Variants in GTF2IRD2B observed in about 807,000 individuals in gnomAD.
The protein encoded by GTF2IRD2B is general transcription factor II-I repeat domain-containing protein 2B.
Under a neutral mutation model 55.6 loss-of-function variants are expected in GTF2IRD2B, and 10 were observed. The observed-to-expected ratio is 0.18, with a 90% CI of 0.11 to 0.31. The LOEUF (loss-of-function observed/expected upper bound fraction) is 0.31. Among genes scored for constraint, GTF2IRD2B ranks in the 10% least tolerant of loss-of-function variants. The pLI is 1.00. For missense variants in GTF2IRD2B, 206 were observed against 802.7 expected (o/e 0.26, Z 8.98); for synonymous variants, 107 against 320.5 (o/e 0.33, Z 7.12).
chr7:75,093,033 C>T (rs1584516910), intron 1 of GTF2IRD2B, among the ~76,000 whole-genome samples: 1 of 152,304 alleles, frequency 6.6e-6, no homozygotes, highest in African/African-American at 2.4e-5. Flanking sequence ...CCTCTCCTTC[C>T]TGATTGGCCG....
chr7:75,106,503 GCTGACAGGTA>G (rs1807813149), intron 1 of GTF2IRD2B, among the ~76,000 whole-genome samples: 1 of 143,556 alleles, frequency 7.0e-6, no homozygotes, highest in Non-Finnish European at 1.5e-5. Context: ...TATGATGGTA[GCTGACAGGTA>G]CTTAATTTGC....
rs60983909 is a variant in GTF2IRD2B, at chr7:75,115,096, C to CT, written c.238+2585dup. ...TACAGGCGTGAGTCATCGTGCCCAG[C>CT]TTTTTTTTTTTTTTTTTTTTTTTTG... On this transcript the variant is annotated intron_variant, in intron 3 of 15. Transcript: ENST00000472837. Among the ~76,000 whole-genome samples, 410 of 43,396 alleles carry CT rather than the reference C, an allele frequency of 9.4e-3. 8 individuals are homozygous for CT. The highest frequency in any genetic ancestry group is 8.6e-3 in the Non-Finnish European group (210 of 24,412). The allele number at this position is 43,396 out of a possible 152,430, so 28.5% of individuals were successfully genotyped here.
chr7:75,133,582 G>C (rs1299420892), intron 9 of GTF2IRD2B, among the ~76,000 whole-genome samples: 8 of 147,460 alleles, frequency 5.4e-5, no homozygotes, highest in Non-Finnish European at 1.2e-4. Flanking sequence ...TCACTCTGTT[G>C]CCCAAGCTGG....
intron 3 of GTF2IRD2B, among the ~76,000 whole-genome samples, chr7:75,120,052 C>T: frequency 7.7e-6 from 1 of 129,676 alleles, no homozygotes; most frequent in African/African-American, 3.6e-5. Context: ...TGGCGTGAAC[C>T]CGGGAGGCAG....
intron 1 of GTF2IRD2B, among the ~76,000 whole-genome samples, chr7:75,101,930 A>G (rs1807580324): frequency 6.6e-6 from 1 of 150,954 alleles, no homozygotes; most frequent in African/African-American, 2.4e-5. Flanking sequence ...TAAAAAAAAT[A>G]AAGTGTACTG....
In GTF2IRD2B at chr7:75,149,336, G is replaced by A. The variant is rs1554532405; in HGVS notation, c.*39G>A. ...CCTGGCAGGGCCCTATGGTGGGAAAGGCTGGAGTCTTCTAGTCCCAAGGGA... is the reference window on the plus strand; with the variant it reads ...CCTGGCAGGGCCCTATGGTGGGAAAAGCTGGAGTCTTCTAGTCCCAAGGGA... On this transcript the variant is annotated 3_prime_UTR_variant, in exon 16 of 16. Transcript: ENST00000472837. 2 of 756,498 alleles carry A rather than the reference G, an allele frequency of 2.6e-6. No individual in the cohort carries two copies. The highest frequency in any genetic ancestry group is 1.4e-5 in the South Asian group (1 of 70,050). The allele number at this position is 756,498 out of a possible 1,614,324, so 46.9% of individuals were successfully genotyped here.
chr7:75,107,283 G>A (rs1240890034), intron 1 of GTF2IRD2B, among the ~76,000 whole-genome samples: 1 of 152,156 alleles, frequency 6.6e-6, no homozygotes, highest in Non-Finnish European at 1.5e-5. Flanking sequence ...AAATGTAAAA[G>A]GCTGGGTGCG....
intron 1 of GTF2IRD2B, among the ~76,000 whole-genome samples, chr7:75,105,025 C>T: frequency 6.6e-6 from 1 of 152,302 alleles, no homozygotes; most frequent in Non-Finnish European, 1.5e-5. Flanking sequence ...TAGTGAAACC[C>T]CGTCTCTACT....
intron 1 of GTF2IRD2B, among the ~76,000 whole-genome samples, chr7:75,105,262 A>G (rs1186685436): frequency 6.6e-6 from 1 of 152,268 alleles, no homozygotes; most frequent in African/African-American, 2.4e-5. Context: ...CCAGCACTTT[A>G]GGAGGCCGAG....
chr7:75,127,031 A>C (rs1397415733), intron 8 of GTF2IRD2B, among the ~76,000 whole-genome samples: 2 of 150,096 alleles, frequency 1.3e-5, no homozygotes, highest in Admixed American at 1.3e-4. Flanking sequence ...AAACAAAAAA[A>C]ACAAAAAAAA....
intron 3 of GTF2IRD2B, among the ~76,000 whole-genome samples, chr7:75,115,801 C>T (rs1808128032): frequency 6.6e-6 from 1 of 151,570 alleles, no homozygotes; most frequent in South Asian, 2.1e-4. Flanking sequence ...ATGGGGATTG[C>T]AATAATTCTG....
At chr7:75,127,018 C>CAAAAA (rs1159282499) in intron 8 of GTF2IRD2B, among the ~76,000 whole-genome samples, 2 of 74,996 alleles carry the variant, frequency 2.7e-5, no homozygotes, top group East Asian at 9.5e-4. Flanking sequence ...AAAACAAAAA[C>CAAAAA]AAAAACAAAA....
At chr7:75,117,802 G>C (rs1158621608) in intron 3 of GTF2IRD2B, among the ~76,000 whole-genome samples, 3 of 152,252 alleles carry the variant, frequency 2.0e-5, no homozygotes, top group African/African-American at 7.2e-5. Context: ...ATATATATCA[G>C]CTGGGTGTGG....
intron 1 of GTF2IRD2B, among the ~76,000 whole-genome samples, chr7:75,103,545 G>C (rs1442572635): frequency 1.3e-5 from 2 of 149,740 alleles, no homozygotes; most frequent in Non-Finnish European, 3.0e-5. Context: ...TGCAGGGAAG[G>C]CTCCATGAAT....
intron 1 of GTF2IRD2B, among the ~76,000 whole-genome samples, chr7:75,105,704 G>C (rs1264332854): frequency 6.6e-6 from 1 of 152,310 alleles, no homozygotes; most frequent in Non-Finnish European, 1.5e-5. Context: ...AATTTTGGTA[G>C]ATAGTTGCAT....
intron 4 of GTF2IRD2B, among the ~76,000 whole-genome samples, chr7:75,122,009 C>T (rs1554536408): frequency 7.6e-6 from 1 of 132,368 alleles, no homozygotes; most frequent in Admixed American, 7.4e-5. Context: ...GTGATCCGCC[C>T]ACCTTGGCCT....
chr7:75,106,220 T>C (rs1418730375), intron 1 of GTF2IRD2B, among the ~76,000 whole-genome samples: 1 of 152,310 alleles, frequency 6.6e-6, no homozygotes, highest in Non-Finnish European at 1.5e-5. Context: ...CTGACCAATA[T>C]GATGAAACCC....
chr7:75,102,423 T>C (rs1807606350), intron 1 of GTF2IRD2B, among the ~76,000 whole-genome samples: 1 of 151,562 alleles, frequency 6.6e-6, no homozygotes, highest in South Asian at 2.1e-4. Flanking sequence ...AAATTTAATA[T>C]GAATGGAATT....
intron 1 of GTF2IRD2B, among the ~76,000 whole-genome samples, chr7:75,096,662 G>A (rs1182747571): frequency 1.4e-5 from 2 of 144,664 alleles, no homozygotes; most frequent in Non-Finnish European, 3.0e-5. Flanking sequence ...CTGACCTCAG[G>A]TGATCCACCT....
Sources: gnomAD v4.1 joint callset for allele counts (sites outside exome capture counted in the v4.1 genomes callset) on GRCh38, gnomAD v4.1.1 for gene constraint, MANE v1.5 for transcripts, NCBI Gene and HGNC (gene_info 2026-07-23, HGNC 2026-07-21) for gene names.